The following SIMC1 variants were observed in gnomAD, a reference collection of about 807,000 sequenced individuals.
The protein encoded by SIMC1 is SUMO interacting motifs containing 1, also known as SUMO-interacting motif-containing protein 1.
In SIMC1, 55 loss-of-function variants were observed where a neutral mutation model predicts 82.3. The ratio of observed to expected loss-of-function variants is 0.67; its 90% CI spans 0.54 to 0.84. SIMC1 has a LOEUF of 0.84. Among genes scored for constraint, SIMC1 ranks in the 40% least tolerant of loss-of-function variants. The pLI is 0.00. For synonymous variants in SIMC1, 353 were observed against 426.3 expected (o/e 0.83, Z 2.12); for missense variants, 915 against 1,107.2 (o/e 0.83, Z 2.46).
rs1763791646 is a variant in SIMC1, at chr5:176,295,889, A to G, written c.1665-362A>G. On this transcript the variant is annotated intron_variant, in intron 3 of 9. Transcript: ENST00000429602. ...TTTAATTGGCCTAATGAGAGACATG[A>G]CCATATCTTTGAGCCAATCACCGTG... 2.6e-5 allele frequency among the ~76,000 whole-genome samples: 4 copies of G among 152,308 alleles called. No individual in the cohort carries two copies. In the South Asian group the frequency reaches 8.3e-4, roughly 32 times the overall value.
intron 1 of SIMC1, among the ~76,000 whole-genome samples, chr5:176,243,669 C>T (rs1353838346): frequency 1.3e-5 from 2 of 152,074 alleles, no homozygotes; most frequent in African/African-American, 4.8e-5. Context: ...ACTACAAGCA[C>T]ACCACCACGC....
intron 5 of SIMC1, among the ~76,000 whole-genome samples, chr5:176,315,946 G>A (rs866984942): frequency 2.0e-5 from 3 of 152,084 alleles, no homozygotes; most frequent in Non-Finnish European, 4.4e-5. Context: ...AGGCCAAGGC[G>A]GGCAGATCAC....
At chr5:176,277,589 G>A (rs1273125236) in intron 1 of SIMC1, among the ~76,000 whole-genome samples, 35 of 152,020 alleles carry the variant, frequency 2.3e-4, no homozygotes, top group African/African-American at 4.8e-4. Context: ...TAGGTCTAAC[G>A]TTTAAGTCTT....
intron 1 of SIMC1, among the ~76,000 whole-genome samples, chr5:176,246,554 C>T (rs1380782586): frequency 6.6e-6 from 1 of 151,836 alleles, no homozygotes; most frequent in Non-Finnish European, 1.5e-5. Flanking sequence ...TTCTCCCACT[C>T]AGCCTCCCGA....
chr5:176,327,028 AG>A (rs968058756), intron 7 of SIMC1, among the ~76,000 whole-genome samples: 16 of 152,242 alleles, frequency 1.1e-4, no homozygotes, highest in Non-Finnish European at 1.9e-4. Context: ...GTCAGACAGA[AG>A]AAAGTGCACA....
At chr5:176,263,446 G>C (rs1293855127) in intron 1 of SIMC1, 10 of 1,547,194 alleles carry the variant, frequency 6.5e-6, no homozygotes, top group Non-Finnish European at 7.9e-6. Flanking sequence ...ACCAGCATCT[G>C]CTTCTGGTGA....
intron 1 of SIMC1, chr5:176,263,465 G>C: frequency 1.9e-6 from 3 of 1,547,158 alleles, no homozygotes; most frequent in Non-Finnish European, 2.6e-6. Flanking sequence ...GAGGACCTCA[G>C]GAAGCTTCCA....
At chr5:176,257,778 C>T (rs911541709) in intron 1 of SIMC1, among the ~76,000 whole-genome samples, 6 of 152,068 alleles carry the variant, frequency 3.9e-5, no homozygotes, top group African/African-American at 7.2e-5. Context: ...ATAATTTTGT[C>T]GAAGACTGCA....
At chr5:176,252,192 C>A (rs1389077142) in intron 1 of SIMC1, among the ~76,000 whole-genome samples, 226 of 136,482 alleles carry the variant, frequency 1.7e-3, no homozygotes, top group Middle Eastern at 4.8e-3. Flanking sequence ...CCGGACGGGG[C>A]GGCTGGCCGG....
Position 176,336,129 on chromosome 5 carries a change from GAGAA to G in SIMC1, c.2172-583_2172-580del, listed in dbSNP as rs372706033. Among the ~76,000 whole-genome samples, 374 of 152,028 alleles carry G rather than the reference GAGAA, an allele frequency of 2.5e-3. 2 individuals carry two copies. Among genetic ancestry groups the G allele is most frequent in the African/African-American group, 8.4e-3 (349 of 41,434 alleles). On this transcript the variant is annotated intron_variant, in intron 7 of 9. Coordinates refer to ENST00000429602, the MANE Select transcript of SIMC1 (RefSeq NM_001308195.2). ...GAGAGAGAGAGAGATTAGAAAGCAA[GAGAA>G]AGAAAGAGAGAAATACCTCCTGCGT... is the stretch of plus-strand genomic sequence containing the variant.
intron 4 of SIMC1, chr5:176,308,570 C>T: frequency 6.9e-6 from 11 of 1,591,466 alleles, no homozygotes; most frequent in Non-Finnish European, 9.5e-6. Context: ...GCCGGGTACT[C>T]TACACTTGCT....
intron 1 of SIMC1, among the ~76,000 whole-genome samples, chr5:176,255,003 A>G (rs1262464165): frequency 1.3e-5 from 2 of 151,982 alleles, no homozygotes; most frequent in Non-Finnish European, 2.9e-5. Context: ...CTGGCTAGGC[A>G]TGGTGGCTCA....
At chr5:176,312,284 C>T (rs1764695174) in intron 4 of SIMC1, among the ~76,000 whole-genome samples, 1 of 152,072 alleles carries the variant, frequency 6.6e-6, no homozygotes, top group South Asian at 2.1e-4. Context: ...GCCTATAATC[C>T]CAACACTTTG....
intron 4 of SIMC1, among the ~76,000 whole-genome samples, chr5:176,302,803 C>T (rs1021921714): frequency 2.0e-5 from 3 of 152,046 alleles, no homozygotes; most frequent in Admixed American, 6.6e-5. Context: ...ATTTCATTTA[C>T]AATATCATCA....
intron 4 of SIMC1, chr5:176,307,922 C>T: frequency 1.9e-6 from 1 of 538,796 alleles, no homozygotes. Context: ...ACCTGTCAGC[C>T]AAAGACATAC....
Position 176,337,102 on chromosome 5 carries a change from A to T in SIMC1, c.2369A>T (p.Glu790Val). The change falls in exon 9 of 10, where the codon GAG (glutamate) becomes GTG (valine). Residue 790 changes from glutamate (E) to valine (V), a missense_variant. Transcript: ENST00000429602. Reference sequence around the variant, plus strand: ...TGGCAGACTTGGGACGAATTGGTTGAGCATCTGCAGTTTCTGCTGTCCAGT... The same window carrying T: ...TGGCAGACTTGGGACGAATTGGTTGTGCATCTGCAGTTTCTGCTGTCCAGT... ...SQWQTWDELV[E>V]HLQFLLSSYQ... 1 of 1,614,038 alleles carries T rather than the reference A, an allele frequency of 6.2e-7. No homozygotes were observed. Among genetic ancestry groups the T allele is most frequent in the Admixed American group, 1.7e-5 (1 of 60,020 alleles).
At chr5:176,313,484 G>A (rs778810201) in intron 4 of SIMC1, 18 of 1,552,400 alleles carry the variant, frequency 1.2e-5, no homozygotes, top group Non-Finnish European at 1.5e-5. Flanking sequence ...AACCTTATAA[G>A]GTATGATTTT....
At chr5:176,252,872 C>G (rs1379615829) in intron 1 of SIMC1, among the ~76,000 whole-genome samples, 2 of 152,234 alleles carry the variant, frequency 1.3e-5, no homozygotes, top group Admixed American at 6.5e-5. Flanking sequence ...GTGAACGAGA[C>G]TCCGTCTGCA....
rs183046280 is a variant in SIMC1, at chr5:176,241,628, A to G, written c.129+2991A>G. 6.3e-4 allele frequency among the ~76,000 whole-genome samples: 96 copies of G among 152,116 alleles called. No homozygotes were observed. The Middle Eastern group carries it at 0.01, about 16-fold the overall frequency. Reference sequence around the variant, plus strand: ...CCCCCCCGTGCAGTTGAAAATTTACATGTAACATTTGACTCCTCGAAAACT... The same window carrying G: ...CCCCCCCGTGCAGTTGAAAATTTACGTGTAACATTTGACTCCTCGAAAACT... On this transcript the variant is annotated intron_variant, in intron 1 of 9. Transcript: ENST00000429602.
Sources: gnomAD v4.1 joint callset for allele counts (sites outside exome capture counted in the v4.1 genomes callset) on GRCh38, gnomAD v4.1.1 for gene constraint, MANE v1.5 for transcripts, NCBI Gene and HGNC (gene_info 2026-07-23, HGNC 2026-07-21) for gene names.